Variants in BCDIN3D observed in about 807,000 individuals in gnomAD.
The protein encoded by BCDIN3D is BCDIN3 domain containing RNA methyltransferase.
A neutral mutation model predicts 21.2 loss-of-function variants in BCDIN3D; 15 were observed. The observed-to-expected ratio is 0.71, with a 90% CI of 0.47 to 1.09. BCDIN3D has a LOEUF of 1.09. Among genes scored for constraint, BCDIN3D ranks in the 50% least tolerant of loss-of-function variants. The probability of loss-of-function intolerance (pLI) is 0.00; values close to 1 mark genes in which losing one functional copy is unlikely to be tolerated. For synonymous variants in BCDIN3D, 127 were observed against 141.9 expected (o/e 0.90, Z 0.75); for missense variants, 331 against 366.2 (o/e 0.90, Z 0.79).
rs762828753 is a variant in BCDIN3D at position 49,838,977 on chromosome 12, T to C, written c.273A>G (p.Leu91=). The part of the protein sequence containing the change: ...SVALYKHFLS[L]PDGETCSDAS... Reference sequence around the variant, plus strand: ...CATCTGAGCAGGTTTCCCCGTCAGGTAGGGAGAGGAAGTGTTTGTATAGAG... The same window carrying C: ...CATCTGAGCAGGTTTCCCCGTCAGGCAGGGAGAGGAAGTGTTTGTATAGAG... The change falls in exon 2 of 2, where the codon CTA becomes CTG. Residue 91 remains leucine, a synonymous_variant. Coordinates refer to ENST00000333924, the MANE Select transcript of BCDIN3D (RefSeq NM_181708.3). 3 of 1,613,734 alleles carry C rather than the reference T, an allele frequency of 1.9e-6. No homozygotes were observed. Among genetic ancestry groups the C allele is most frequent in the Non-Finnish European group, 2.5e-6 (3 of 1,179,966 alleles).
At chr12:49,840,195 A>G (rs887370155) in intron 1 of BCDIN3D, 1 of 152,244 alleles carries the variant, frequency 6.6e-6, no homozygotes, top group African/African-American at 2.4e-5. Context: ...TAAATGTGGT[A>G]TAATCATGAA....
intron 1 of BCDIN3D, chr12:49,842,461 T>G: frequency 4.3e-6 from 1 of 230,820 alleles, no homozygotes; most frequent in Non-Finnish European, 8.7e-6. Context: ...ATATCAGGCA[T>G]GATTCTGTCA....
chr12:49,838,517 C>T lies in BCDIN3D; in HGVS notation c.733G>A (p.Glu245Lys). The T allele has an allele frequency of 6.2e-7, 1 of 1,614,138 alleles. No homozygotes were observed. Among genetic ancestry groups the T allele is most frequent in the Non-Finnish European group, 8.5e-7 (1 of 1,180,032 alleles). Residue 245 changes from glutamate to lysine, a missense_variant, in exon 2 of 2, where the codon GAA (glutamate) becomes AAA (lysine). By Grantham distance (56) the Glu-to-Lys change is moderately conservative. Coordinates refer to ENST00000333924, the MANE Select transcript of BCDIN3D (RefSeq NM_181708.3). Reference sequence around the variant, plus strand: ...GTGTTGCCAAAGCAACATATTAATTCCATGCCATGATCCTGGGTCAAGATC... The same window carrying T: ...GTGTTGCCAAAGCAACATATTAATTTCATGCCATGATCCTGGGTCAAGATC... ...VQILTQDHGM[E>K]LICCFGNTSW...
intron 1 of BCDIN3D, chr12:49,842,439 A>G (rs1158488553): frequency 4.7e-6 from 1 of 214,098 alleles, no homozygotes; most frequent in Non-Finnish European, 9.6e-6. Context: ...TGTATAGCAC[A>G]CATGAGTCTC....
rs1289044629 is a variant in BCDIN3D, at chr12:49,837,567, G to C, written c.*804C>G. On this transcript the variant is annotated 3_prime_UTR_variant, in exon 2 of 2. Coordinates refer to ENST00000333924, the MANE Select transcript of BCDIN3D (RefSeq NM_181708.3). ...CTCCCAAAGTGCTGCGATTACAGGC[G>C]TGAGCCACCGCGCCCGGCCGCATGT... 3.3e-5 allele frequency: 5 copies of C among 151,994 alleles called. No individual in the cohort carries two copies. Among genetic ancestry groups the C allele is most frequent in the African/African-American group, 1.2e-4 (5 of 41,360 alleles). 9.4% of individuals were successfully genotyped at this position (151,994 alleles called of 1,614,324 possible).
Position 49,838,694 on chromosome 12 carries a change from G to T in BCDIN3D, c.556C>A (p.Leu186Ile). Residue 186 changes from leucine (L) to isoleucine (I), a missense_variant, in exon 2 of 2, where the codon CTT (leucine) becomes ATT (isoleucine). Coordinates refer to ENST00000333924, the MANE Select transcript of BCDIN3D (RefSeq NM_181708.3). The stretch of plus-strand genomic sequence containing the variant: ...AGGAGGTAGTGGCAGAGGGAGGAAA[G>T]ATGGGCCAGGAACTCCCATAGGCCA... ...DHGLWEFLAH[L>I]SSLCHYLLVE... 2 of 1,613,900 alleles carry T rather than the reference G, an allele frequency of 1.2e-6. No individual in the cohort carries two copies. The highest frequency in any genetic ancestry group is 1.7e-6 in the Non-Finnish European group (2 of 1,179,762).
At position 49,838,810 on chromosome 12, in the gene BCDIN3D, C is replaced by G; in HGVS notation, c.440G>C (p.Ser147Thr). The change falls in exon 2 of 2, where the codon AGC becomes ACC. Residue 147 changes from serine (S) to threonine (T), a missense_variant. Transcript: ENST00000333924. Reference protein sequence around the residue: ...MNQRTRKVLLSSFLSQFGRSV... With the variant: ...MNQRTRKVLLTSFLSQFGRSV... Reference sequence around the variant, plus strand: ...ACGTCCAAATTGGCTTAAGAAAGAGCTCAAGAGAACCTTCCGGGTCCTTTG... The same window carrying G: ...ACGTCCAAATTGGCTTAAGAAAGAGGTCAAGAGAACCTTCCGGGTCCTTTG... The G allele has an allele frequency of 6.2e-7, 1 of 1,614,204 alleles. No homozygotes were observed. The highest frequency in any genetic ancestry group is 1.1e-5 in the South Asian group (1 of 91,088).
intron 1 of BCDIN3D, chr12:49,842,482 T>G (rs1946560023): frequency 7.9e-6 from 2 of 254,406 alleles, no homozygotes; most frequent in Admixed American, 1.0e-4. Context: ...CCCTTGGCTC[T>G]TCTCTCCCAG....
At position 49,837,231 on chromosome 12, in the gene BCDIN3D, G is replaced by A. The variant is rs896518885; in HGVS notation, c.*1140C>T. 5.9e-5 allele frequency: 9 copies of A among 151,602 alleles called. No individual in the cohort carries two copies. The highest frequency in any genetic ancestry group is 2.0e-4 in the Admixed American group (3 of 15,226). The allele number at this position is 151,602 out of a possible 1,614,324, so 9.4% of individuals were successfully genotyped here. ...ATGCTAGTCTGGAACTGTGGATGTC[G>A]GGCTACCAATATATTTGGGGACCAT... On this transcript the variant is annotated 3_prime_UTR_variant, in exon 2 of 2. Coordinates refer to ENST00000333924, the MANE Select transcript of BCDIN3D (RefSeq NM_181708.3).
intron 1 of BCDIN3D, chr12:49,839,913 G>A (rs1946540646): frequency 6.6e-6 from 1 of 152,120 alleles, no homozygotes; most frequent in Non-Finnish European, 1.5e-5. Flanking sequence ...GTCTTTAACT[G>A]ACCTCAAGTG....
chr12:49,842,997 A>C lies in BCDIN3D; in HGVS notation c.91T>G (p.Phe31Val), dbSNP rs779759392. 1.2e-6 allele frequency: 2 copies of C among 1,613,996 alleles called. No homozygotes were observed. The highest frequency in any genetic ancestry group is 1.7e-6 in the Non-Finnish European group (2 of 1,179,976). Residue 31 changes from phenylalanine (F) to valine (V), a missense_variant, in exon 1 of 2, where the codon TTC becomes GTC. Coordinates refer to ENST00000333924, the MANE Select transcript of BCDIN3D (RefSeq NM_181708.3). ...CGAGAATAATGAGGAAAATTTCCGA[A>C]CGGGGCGGCGCCAGGTGCCAGAACT... ...SRVLAPGAAPFGNFPHYSRFH... is the reference protein window; with the variant it reads ...SRVLAPGAAPVGNFPHYSRFH...
chr12:49,838,998 T>A lies in BCDIN3D; in HGVS notation c.252A>T (p.Leu84=), dbSNP rs930003263. Residue 84 remains leucine (L), a synonymous_variant, in exon 2 of 2, where the codon CTA becomes CTT. Coordinates refer to ENST00000333924, the MANE Select transcript of BCDIN3D (RefSeq NM_181708.3). ...CAGGTAGGGAGAGGAAGTGTTTGTA[T>A]AGAGCCACACTCAGATCCTAGAGGA... ...GCNSGDLSVA[L]YKHFLSLPDG... 6.2e-7 allele frequency: 1 copy of A among 1,613,504 alleles called. No homozygotes were observed. Among genetic ancestry groups the A allele is most frequent in the Admixed American group, 1.7e-5 (1 of 60,016 alleles).
At position 49,843,058 on chromosome 12, in the gene BCDIN3D, C is replaced by G. The variant is rs937214120; in HGVS notation, c.30G>C (p.Gly10=). Residue 10 remains glycine, a synonymous_variant, in exon 1 of 2, where the codon GGG becomes GGC. Coordinates refer to ENST00000333924, the MANE Select transcript of BCDIN3D (RefSeq NM_181708.3). ...CTTCCGCTGCGGTCTCCTTAACACT[C>G]CCTCCATCCAGTTCCGTGGGCACCG... The part of the protein sequence containing the change: MAVPTELDG[G]SVKETAAEEE... 6.1e-5 allele frequency: 98 copies of G among 1,614,054 alleles called. No individual in the cohort carries two copies. The highest frequency in any genetic ancestry group is 8.3e-5 in the Non-Finnish European group (98 of 1,180,032).
chr12:49,836,212 C>G lies in BCDIN3D; in HGVS notation c.*2159G>C, dbSNP rs1439959856. On this transcript the variant is annotated 3_prime_UTR_variant, in exon 2 of 2. Coordinates refer to ENST00000333924, the MANE Select transcript of BCDIN3D (RefSeq NM_181708.3). ...TGACTTGCAGCCCTTCTTCATATCA[C>G]TCCAACCTCTTGCTTTTGTCATTAC... 1 of 152,238 alleles carries G rather than the reference C, an allele frequency of 6.6e-6. No homozygotes were observed. Among genetic ancestry groups the G allele is most frequent in the Non-Finnish European group, 1.5e-5 (1 of 68,058 alleles). 9.4% of individuals were successfully genotyped at this position (152,238 alleles called of 1,614,324 possible).
In BCDIN3D at chr12:49,842,955, G is replaced by T; in HGVS notation, c.133C>A (p.Gln45Lys). The change falls in exon 1 of 2, where the codon CAA (glutamine) becomes AAA (lysine). Residue 45 changes from glutamine to lysine, a missense_variant. By Grantham distance (53) the Gln-to-Lys change is moderately conservative. Transcript: ENST00000333924. ...PHYSRFHPPE[Q>K]RLRLLPPELL... ...TCCGGGGGCAGGAGGCGGAGCCGTT[G>T]CTCCGGAGGGTGGAAGCGAGAATAA... The T allele has an allele frequency of 1.2e-6, 2 of 1,614,226 alleles. No individual in the cohort carries two copies. Among genetic ancestry groups the T allele is most frequent in the Non-Finnish European group, 1.7e-6 (2 of 1,180,042 alleles).
Position 49,838,926 on chromosome 12 carries a change from G to A in BCDIN3D, c.324C>T (p.Cys108=), listed in dbSNP as rs1946532386. The A allele has an allele frequency of 6.2e-7, 1 of 1,614,184 alleles. No individual in the cohort carries two copies. Residue 108 remains cysteine, a synonymous_variant, in exon 2 of 2, where the codon TGC becomes TGT. Coordinates refer to ENST00000333924, the MANE Select transcript of BCDIN3D (RefSeq NM_181708.3). ...SDASREFRLL[C]CDIDPVLVKR... Reference sequence around the variant, plus strand: ...TCACCAGGACTGGATCTATGTCGCAGCAGAGGAGACGGAATTCTCTTGAGG... The same window carrying A: ...TCACCAGGACTGGATCTATGTCGCAACAGAGGAGACGGAATTCTCTTGAGG...
chr12:49,839,611 CT>C (rs1458934970), intron 1 of BCDIN3D: 1 of 152,720 alleles, frequency 6.5e-6, no homozygotes, highest in African/African-American at 2.4e-5. Flanking sequence ...TGCTAACAAC[CT>C]TCTAGACAAG....
intron 1 of BCDIN3D, 109 bp from the exon 2 acceptor site, chr12:49,839,124 A>C: frequency 7.7e-7 from 1 of 1,294,460 alleles, no homozygotes; most frequent in Non-Finnish European, 1.0e-6. Context: ...GCTGTATAGG[A>C]TGTGAGGTTC....
rs374623398 is a variant in BCDIN3D at position 49,838,678 on chromosome 12, T to C, written c.572A>G (p.His191Arg). The change falls in exon 2 of 2, where the codon CAC becomes CGC. Residue 191 changes from histidine (H) to arginine (R), a missense_variant. Transcript: ENST00000333924. ...EFLAHLSSLCHYLLVEPQPWK... is the reference protein window; with the variant it reads ...EFLAHLSSLCRYLLVEPQPWK... The stretch of plus-strand genomic sequence containing the variant: ...GGGTTGGGGCTCCACAAGGAGGTAG[T>C]GGCAGAGGGAGGAAAGATGGGCCAG... The C allele has an allele frequency of 5.9e-5, 95 of 1,613,730 alleles. No individual in the cohort carries two copies. The Middle Eastern group carries it at 9.9e-4, about 17-fold the overall frequency.
Sources: gnomAD v4.1 joint callset for allele counts on GRCh38, gnomAD v4.1.1 for gene constraint, MANE v1.5 for transcripts, NCBI Gene and HGNC (gene_info 2026-07-23, HGNC 2026-07-21) for gene names.